The following ARMC8 variants were observed in gnomAD, a reference collection of about 807,000 sequenced individuals.
The protein encoded by ARMC8 is armadillo repeat containing 8, also known as armadillo repeat-containing protein 8.
ARMC8 carries 20 observed loss-of-function variants against 99.3 expected under a neutral mutation model. The observed-to-expected ratio is 0.20, with a 90% CI of 0.14 to 0.29. The LOEUF is 0.29. Ranked by LOEUF, ARMC8 falls within the 10% of genes least tolerant of loss-of-function variation. The pLI is 1.00. For missense variants in ARMC8, 569 were observed against 809.5 expected (o/e 0.70, Z 3.60); for synonymous variants, 263 against 278.3 (o/e 0.95, Z 0.55).
intron 12 of ARMC8, among the ~76,000 whole-genome samples, chr3:138,258,766 G>A (rs2108241627): frequency 6.6e-6 from 1 of 152,308 alleles, no homozygotes; most frequent in South Asian, 2.1e-4. Flanking sequence ...TTGACCTAAA[G>A]CGGTCAGTTG....
At chr3:138,263,864 A>G (rs774400931) in intron 13 of ARMC8, 43 bp downstream of exon 13, 2 of 1,559,052 alleles carry the variant, frequency 1.3e-6, no homozygotes, top group South Asian at 2.2e-5. Flanking sequence ...TTTGCCATAT[A>G]TTTAACCTGT....
rs71146120 is a variant in ARMC8, at chr3:138,235,798, C to CTTTTTT, written c.609+704_609+709dup. ...AGTGACTCCATTCTGTCCTTTTAGT[C>CTTTTTT]TTTTTTTTTTTTTTTTTTTTTTTTT... On this transcript the variant is annotated intron_variant, in intron 7 of 21. Coordinates refer to ENST00000469044, the MANE Select transcript of ARMC8 (RefSeq NM_001363941.2). Among the ~76,000 whole-genome samples the CTTTTTT allele has an allele frequency of 5.2e-4, 42 of 80,522 alleles. 1 individual carries two copies. The highest frequency in any genetic ancestry group is 1.1e-3 in the Admixed American group (7 of 6,600). 52.8% of individuals were successfully genotyped at this position (80,522 alleles called of 152,430 possible). A position where few individuals can be genotyped will look rare whatever the true frequency, so the allele number is the denominator to read the frequency against.
intron 12 of ARMC8, chr3:138,245,386 G>A (rs1413742383): frequency 7.9e-6 from 11 of 1,400,410 alleles, no homozygotes; most frequent in African/African-American, 4.3e-5. Flanking sequence ...TGGCATGGCC[G>A]TGCTGGAATG....
intron 16 of ARMC8, among the ~76,000 whole-genome samples, chr3:138,271,170 A>G (rs2048753790): frequency 6.6e-6 from 1 of 152,156 alleles, no homozygotes; most frequent in Non-Finnish European, 1.5e-5. Flanking sequence ...AAAGCAACAA[A>G]TCTGTAGTTT....
At chr3:138,198,151 G>C (rs2043843066) in intron 1 of ARMC8, among the ~76,000 whole-genome samples, 1 of 151,846 alleles carries the variant, frequency 6.6e-6, no homozygotes, top group Non-Finnish European at 1.5e-5. Context: ...AGCCTACACA[G>C]CATAGCAAAA....
chr3:138,235,718 G>C (rs1242309917), intron 7 of ARMC8, among the ~76,000 whole-genome samples: 2 of 151,280 alleles, frequency 1.3e-5, no homozygotes, highest in Non-Finnish European at 2.9e-5. Context: ...GTTGGGTATT[G>C]CAGGAGTTAC....
At chr3:138,281,347 C>T (rs1375286814) in intron 18 of ARMC8, among the ~76,000 whole-genome samples, 1 of 150,818 alleles carries the variant, frequency 6.6e-6, no homozygotes, top group Admixed American at 6.6e-5. Flanking sequence ...GGCTGGAGTG[C>T]AGTGACGCGA....
At chr3:138,287,596 T>G (rs1222344411) in intron 19 of ARMC8, 1 of 456,320 alleles carries the variant, frequency 2.2e-6, no homozygotes, top group Non-Finnish European at 4.4e-6. Flanking sequence ...TGTCTGAGGC[T>G]GGGAGCAGAT....
intron 19 of ARMC8, among the ~76,000 whole-genome samples, chr3:138,287,450 C>G (rs1232993616): frequency 1.3e-5 from 2 of 152,088 alleles, no homozygotes; most frequent in African/African-American, 4.8e-5. Flanking sequence ...TCCCACCCCT[C>G]CACCCTCCAA....
At chr3:138,287,882 A>T (rs922729336) in intron 19 of ARMC8, 2 of 289,890 alleles carry the variant, frequency 6.9e-6, no homozygotes, top group Middle Eastern at 1.1e-3. Context: ...GACCAATAGG[A>T]CAATCATCTA....
rs763780226 is a variant in ARMC8 at position 138,209,855 on chromosome 3, A to C, written c.84A>C (p.Leu28=). The stretch of plus-strand genomic sequence containing the variant: ...GCAGTCGCCACTATGTTGACAGGCT[A>C]TTTGACCCTGATCCCCAGAAAGTTC... ...TASSRHYVDR[L]FDPDPQKVLQ... is the part of the protein sequence containing the mutation. Residue 28 remains leucine, a synonymous_variant, in exon 2 of 22, where the codon CTA becomes CTC. Coordinates refer to ENST00000469044, the MANE Select transcript of ARMC8 (RefSeq NM_001363941.2). 3 of 1,613,940 alleles carry C rather than the reference A, an allele frequency of 1.9e-6. No individual in the cohort carries two copies. The South Asian group carries it at 3.3e-5, about 18-fold the overall frequency.
chr3:138,193,602 TA>T, intron 1 of ARMC8, among the ~76,000 whole-genome samples: 1 of 152,316 alleles, frequency 6.6e-6, no homozygotes, highest in African/African-American at 2.4e-5. Context: ...GAACCCTTTG[TA>T]AGATAGGTAT....
At chr3:138,202,174 A>G (rs115989894) in intron 1 of ARMC8, among the ~76,000 whole-genome samples, 1,584 of 152,302 alleles carry the variant, frequency 0.01, 9 homozygotes, top group Non-Finnish European at 0.015. Context: ...TGAAGTTCCT[A>G]CTAGTTTGTG....
intron 1 of ARMC8, chr3:138,188,361 G>A (rs1212371268): frequency 2.8e-6 from 4 of 1,409,650 alleles, no homozygotes; most frequent in African/African-American, 2.9e-5. Flanking sequence ...GTATTGACAT[G>A]CCAGGAAGTA....
At chr3:138,240,341 GCTTTAGT>G (rs1241150418) in intron 10 of ARMC8, among the ~76,000 whole-genome samples, 1 of 152,170 alleles carries the variant, frequency 6.6e-6, no homozygotes, top group African/African-American at 2.4e-5. Flanking sequence ...ACTAATATTT[GCTTTAGT>G]CTTTGGGGAA....
At chr3:138,255,256 G>A (rs1166666416) in intron 12 of ARMC8, among the ~76,000 whole-genome samples, 1 of 144,730 alleles carries the variant, frequency 6.9e-6, no homozygotes, top group African/African-American at 2.6e-5. Flanking sequence ...AGGCTGGAGT[G>A]CAGTGGCGTG....
chr3:138,215,746 C>T (rs1207725130), intron 2 of ARMC8, among the ~76,000 whole-genome samples: 1 of 151,868 alleles, frequency 6.6e-6, no homozygotes, highest in East Asian at 1.9e-4. Flanking sequence ...ATTTCGGAGC[C>T]AGTATTTAAT....
At chr3:138,187,771 G>T (rs2043147820) in intron 1 of ARMC8, 172 bp downstream of exon 1, 1 of 690,612 alleles carries the variant, frequency 1.4e-6, no homozygotes, top group African/African-American at 1.8e-5. Flanking sequence ...CGGGCAGAGG[G>T]GACCGCGGCC....
chr3:138,280,999 C>T (rs796615934), intron 18 of ARMC8, among the ~76,000 whole-genome samples: 1 of 152,134 alleles, frequency 6.6e-6, no homozygotes, highest in Non-Finnish European at 1.5e-5. Context: ...TTTGCAGGCT[C>T]TGGTCTCTAG....
Sources: allele counts gnomAD v4.1 joint callset (sites outside exome capture counted in the v4.1 genomes callset), GRCh38; gene constraint gnomAD v4.1.1; transcripts MANE v1.5; gene names NCBI Gene and HGNC (gene_info 2026-07-23, HGNC 2026-07-21).